ANKS1B: variants seen among roughly 807,000 people sequenced by gnomAD.
ANKS1B encodes ankyrin repeat and sterile alpha motif domain containing 1B, also known as ankyrin repeat and sterile alpha motif domain-containing protein 1B.
In ANKS1B, 36 loss-of-function variants were observed where a neutral mutation model predicts 148.3. The ratio of observed to expected loss-of-function variants is 0.24; its 90% confidence interval spans 0.19 to 0.32. The LOEUF is 0.32. Among genes scored for constraint, ANKS1B ranks in the 10% least tolerant of loss-of-function variants. The pLI is 1.00. For missense variants in ANKS1B, 1,157 were observed against 1,542.6 expected (o/e 0.75, Z 4.19); for synonymous variants, 542 against 560.8 (o/e 0.97, Z 0.47).
At chr12:99,773,826 G>T (rs1386184991) in intron 7 of ANKS1B, among the ~76,000 whole-genome samples, 1 of 152,020 alleles carries the variant, frequency 6.6e-6, no homozygotes, top group Non-Finnish European at 1.5e-5. Context: ...TGGTATATAT[G>T]TCTGTTTTCA....
chr12:99,441,546 ATTCT>A (rs1325414091), intron 11 of ANKS1B, among the ~76,000 whole-genome samples: 1 of 151,982 alleles, frequency 6.6e-6, no homozygotes, highest in Non-Finnish European at 1.5e-5. Flanking sequence ...TTGAAGTTAT[ATTCT>A]TTCTGCAATT....
intron 16 of ANKS1B, among the ~76,000 whole-genome samples, chr12:99,077,288 T>C (rs1050066799): frequency 1.3e-5 from 2 of 152,190 alleles, no homozygotes; most frequent in African/African-American, 4.8e-5. Flanking sequence ...TATCTTTAAC[T>C]GATGTCCACT....
chr12:99,455,766 C>A (rs2095838442), intron 10 of ANKS1B, among the ~76,000 whole-genome samples: 1 of 152,060 alleles, frequency 6.6e-6, no homozygotes, highest in Non-Finnish European at 1.5e-5. Context: ...ACAGCAAACC[C>A]CACCCAAGGA....
intron 10 of ANKS1B, among the ~76,000 whole-genome samples, chr12:99,481,191 C>G (rs1478854964): frequency 1.3e-5 from 2 of 151,590 alleles, no homozygotes; most frequent in Non-Finnish European, 3.0e-5. Flanking sequence ...ACCCTCTCAC[C>G]CTCCTGCTTC....
At position 99,910,268 on chromosome 12, in the gene ANKS1B, C is replaced by G. The variant is rs1603450864; in HGVS notation, c.134+73836G>C. ...TACTTGGGAAGCTGAGGCAGGAGAA[C>G]TGCTTGAACCAGGGAGGCGGAGGTC... On this transcript the variant is annotated intron_variant, in intron 1 of 26. Transcript: ENST00000683438. 1.4e-5 allele frequency among the ~76,000 whole-genome samples: 2 copies of G among 145,026 alleles called. 1 individual carries two copies. The highest frequency in any genetic ancestry group is 4.3e-4 in the South Asian group (2 of 4,610).
At chr12:99,148,580 A>G (rs1272911189) in intron 15 of ANKS1B, among the ~76,000 whole-genome samples, 1 of 152,272 alleles carries the variant, frequency 6.6e-6, no homozygotes, top group East Asian at 1.9e-4. Context: ...TGCCTCTTTA[A>G]AGAGCTCAAA....
chr12:99,702,727 T>G lies in ANKS1B; in HGVS notation c.1129-47517A>C, dbSNP rs74651759. On this transcript the variant is annotated intron_variant, in intron 8 of 26. Coordinates refer to ENST00000683438, the MANE Select transcript of ANKS1B (RefSeq NM_001352186.2). ...CCAGCTAATTTTTTTTTTTTTTTTG[T>G]AGAGGCAGAGTTTCCCTATGTTGCC... is the stretch of plus-strand genomic sequence containing the variant. 1.7e-3 allele frequency among the ~76,000 whole-genome samples: 216 copies of G among 123,864 alleles called. 6 individuals carry two copies. In the South Asian group the frequency reaches 0.066, roughly 38 times the overall value. 81.3% of individuals were successfully genotyped at this position (123,864 alleles called of 152,430 possible).
chr12:99,955,320 C>T (rs2095301327), intron 1 of ANKS1B, among the ~76,000 whole-genome samples: 1 of 151,688 alleles, frequency 6.6e-6, no homozygotes, highest in African/African-American at 2.4e-5. Context: ...CGGTGAAACC[C>T]CGTCTCTACT....
intron 8 of ANKS1B, among the ~76,000 whole-genome samples, chr12:99,760,742 AT>A (rs1386053349): frequency 6.6e-6 from 1 of 151,656 alleles, no homozygotes; most frequent in African/African-American, 2.4e-5. Flanking sequence ...ATACAAAAAA[AT>A]CTATAAAACC....
intron 17 of ANKS1B, among the ~76,000 whole-genome samples, chr12:98,859,873 T>C (rs1240422802): frequency 6.6e-6 from 1 of 152,240 alleles, no homozygotes; most frequent in Non-Finnish European, 1.5e-5. Context: ...CACTGATGTC[T>C]TGACTTGCGA....
At chr12:99,511,118 C>G (rs1410859947) in intron 9 of ANKS1B, among the ~76,000 whole-genome samples, 1 of 151,992 alleles carries the variant, frequency 6.6e-6, no homozygotes, top group Non-Finnish European at 1.5e-5. Context: ...AAGGGGAATG[C>G]TTCCAGCTTT....
At chr12:99,683,999 T>C (rs1314755780) in intron 8 of ANKS1B, among the ~76,000 whole-genome samples, 1 of 151,998 alleles carries the variant, frequency 6.6e-6, no homozygotes, top group Middle Eastern at 3.2e-3. Context: ...CCACAGCCAA[T>C]ATTATACTGA....
At chr12:99,302,175 A>C (rs2081730590) in intron 12 of ANKS1B, among the ~76,000 whole-genome samples, 2 of 152,152 alleles carry the variant, frequency 1.3e-5, no homozygotes, top group Admixed American at 6.6e-5. Flanking sequence ...AAGATTTTTT[A>C]CATGAAAATC....
intron 12 of ANKS1B, among the ~76,000 whole-genome samples, chr12:99,348,712 A>G (rs1048513040): frequency 4.6e-5 from 7 of 151,938 alleles, no homozygotes; most frequent in African/African-American, 1.7e-4. Context: ...TTAAAGATGA[A>G]GGAGAAATTT....
At chr12:99,677,724 A>G (rs1275400892) in intron 8 of ANKS1B, among the ~76,000 whole-genome samples, 1 of 152,234 alleles carries the variant, frequency 6.6e-6, no homozygotes, top group Non-Finnish European at 1.5e-5. Context: ...CTGTAATCCC[A>G]GCACTTTGGG....
At chr12:99,170,522 T>A (rs1236863299) in intron 14 of ANKS1B, among the ~76,000 whole-genome samples, 1 of 152,214 alleles carries the variant, frequency 6.6e-6, no homozygotes. Context: ...AACTTAGAGC[T>A]ATCTCAATCG....
intron 17 of ANKS1B, among the ~76,000 whole-genome samples, chr12:98,852,375 G>A (rs1305427312): frequency 2.6e-5 from 4 of 152,120 alleles, no homozygotes; most frequent in Non-Finnish European, 5.9e-5. Context: ...AAAGGAGAGG[G>A]AGGTTTTTTT....
At chr12:99,918,512 C>T (rs1348140662) in intron 1 of ANKS1B, among the ~76,000 whole-genome samples, 1 of 152,078 alleles carries the variant, frequency 6.6e-6, no homozygotes, top group African/African-American at 2.4e-5. Context: ...GAATGAGGCA[C>T]GAGGAAGTTT....
intron 15 of ANKS1B, among the ~76,000 whole-genome samples, chr12:99,140,089 A>G (rs950127864): frequency 2.0e-5 from 3 of 152,152 alleles, no homozygotes; most frequent in African/African-American, 4.8e-5. Flanking sequence ...AATCATCACA[A>G]TGTTATCATT....
Sources: gnomAD v4.1 joint callset for allele counts (sites outside exome capture counted in the v4.1 genomes callset) on GRCh38, gnomAD v4.1.1 for gene constraint, MANE v1.5 for transcripts, NCBI Gene and HGNC (gene_info 2026-07-23, HGNC 2026-07-21) for gene names.